The following MGA variants were observed in gnomAD, a reference collection of about 807,000 sequenced individuals.
MGA encodes the protein MAX dimerization protein MGA.
Under a neutral mutation model 261.1 loss-of-function variants are expected in MGA, and 40 were observed. The ratio of observed to expected loss-of-function variants is 0.15; its 90% CI spans 0.12 to 0.20. MGA has a LOEUF of 0.20. Ranked by LOEUF, MGA falls within the 10% of genes least tolerant of loss-of-function variation. The pLI, the probability that MGA is intolerant of heterozygous loss-of-function variation, is 1.00. For missense variants in MGA, 3,397 were observed against 3,630.5 expected (o/e 0.94, Z 1.65); for synonymous variants, 1,302 against 1,290.6 (o/e 1.01, Z -0.19).
At chr15:41,745,602 A>G (rs930268544) in intron 15 of MGA, among the ~76,000 whole-genome samples, 1 of 151,884 alleles carries the variant, frequency 6.6e-6, no homozygotes, top group Non-Finnish European at 1.5e-5. Flanking sequence ...AAAAAAATAT[A>G]TATCTATATA....
intron 1 of MGA, among the ~76,000 whole-genome samples, chr15:41,651,507 C>T (rs2057041833): frequency 1.3e-5 from 2 of 151,736 alleles, no homozygotes; most frequent in African/African-American, 4.8e-5. Flanking sequence ...AAAGAAAAGT[C>T]CCCTTTCTTT....
At chr15:41,727,140 G>T (rs756886093) in intron 9 of MGA, 40 bp from the exon 10 acceptor site, 33 of 1,523,324 alleles carry the variant, frequency 2.2e-5, no homozygotes, top group Non-Finnish European at 2.8e-5. Flanking sequence ...ATCTTTTGTT[G>T]CCAAAAGTAC....
At chr15:41,738,372 G>T (rs1285889436) in intron 13 of MGA, among the ~76,000 whole-genome samples, 1 of 152,200 alleles carries the variant, frequency 6.6e-6, no homozygotes, top group African/African-American at 2.4e-5. Flanking sequence ...TCCAGCCTGG[G>T]CGACAGAGTG....
intron 22 of MGA, among the ~76,000 whole-genome samples, chr15:41,762,756 A>G (rs1316937280): frequency 6.6e-6 from 1 of 152,036 alleles, no homozygotes; most frequent in Admixed American, 6.6e-5. Context: ...GGTGTGAGCA[A>G]CCACACCCAG....
intron 17 of MGA, chr15:41,752,002 AAAAAGATTACTGTTTT>A (rs2062861504): frequency 6.6e-6 from 1 of 152,234 alleles, no homozygotes; most frequent in African/African-American, 2.4e-5. Flanking sequence ...AAAATAAGAC[AAAAAGATTACTGTTTT>A]AAAAATCTAA....
intron 19 of MGA, among the ~76,000 whole-genome samples, chr15:41,759,270 AATAG>A (rs945873070): frequency 6.6e-6 from 1 of 152,160 alleles, no homozygotes; most frequent in African/African-American, 2.4e-5. Context: ...GCAAGAAGTC[AATAG>A]ATAGCATTGA....
Position 41,743,187 on chromosome 15 carries a change from T to C in MGA, c.5212+15T>C, listed in dbSNP as rs769781891. The C allele has an allele frequency of 1.3e-6, 2 of 1,586,692 alleles. No individual in the cohort carries two copies. The highest frequency in any genetic ancestry group is 1.7e-6 in the Non-Finnish European group (2 of 1,164,736). ...CCAGAGACCAGGTAAGGCCTAGATG[T>C]TACTAGCTGCTTTATTTTACTGTAC... On this transcript the variant is annotated intron_variant, in intron 15 of 23. Transcript: ENST00000219905.
intron 1 of MGA, among the ~76,000 whole-genome samples, chr15:41,643,930 C>T (rs897097791): frequency 2.0e-5 from 3 of 146,882 alleles, no homozygotes; most frequent in Non-Finnish European, 4.5e-5. Flanking sequence ...CATTTTTTTT[C>T]CATAAAAGTT....
intron 3 of MGA, among the ~76,000 whole-genome samples, chr15:41,697,317 A>G (rs1239401481): frequency 1.3e-5 from 2 of 152,014 alleles, no homozygotes; most frequent in East Asian, 3.9e-4. Context: ...AATTTTCATC[A>G]TTATGGATTT....
Position 41,698,920 on chromosome 15 carries a change from G to C in MGA, c.2071G>C (p.Ala691Pro). ...AACAGAAGAATCTTCTAGTCTCCAG[G>C]CATCAACCACAAATGACTCAGGTAT... The change falls in exon 4 of 24, where the codon GCA becomes CCA. Residue 691 changes from alanine (A) to proline (P), a missense_variant. Ala to Pro is a conservative substitution (Grantham distance 27). This residue lies in a region of MGA where 563 missense variants were observed against 563.6 expected (regional missense o/e 1.00). Coordinates refer to ENST00000219905, the MANE Select transcript of MGA (RefSeq NM_001164273.2). The C allele has an allele frequency of 3.2e-6, 5 of 1,550,586 alleles. No homozygotes were observed. Among genetic ancestry groups the C allele is most frequent in the Non-Finnish European group, 4.4e-6 (5 of 1,146,728 alleles).
upstream of MGA, among the ~76,000 whole-genome samples, chr15:41,657,022 C>T (rs1289010495): frequency 6.6e-6 from 1 of 152,094 alleles, no homozygotes; most frequent in African/African-American, 2.4e-5. Flanking sequence ...ATCCACCTGC[C>T]TTCTGCCTCT....
intron 13 of MGA, among the ~76,000 whole-genome samples, chr15:41,738,939 G>A (rs184845968): frequency 1.9e-4 from 29 of 152,248 alleles, no homozygotes; most frequent in African/African-American, 7.0e-4. Flanking sequence ...AGATGGAGTT[G>A]CTTGCTGTAG....
chr15:41,657,184 C>A (rs1276596116), upstream of MGA, among the ~76,000 whole-genome samples: 1 of 152,032 alleles, frequency 6.6e-6, no homozygotes, highest in Non-Finnish European at 1.5e-5. Context: ...TTCCTTAATT[C>A]CTTCATTACA....
intron 1 of MGA, among the ~76,000 whole-genome samples, chr15:41,667,657 G>A (rs1204991292): frequency 1.3e-5 from 2 of 152,096 alleles, no homozygotes; most frequent in Non-Finnish European, 2.9e-5. Flanking sequence ...TGGGATTATA[G>A]GTGTGAGTCA....
At chr15:41,687,038 T>A (rs1432758025) in intron 2 of MGA, among the ~76,000 whole-genome samples, 1 of 152,200 alleles carries the variant, frequency 6.6e-6, no homozygotes, top group East Asian at 1.9e-4. Context: ...GCTGTTTTTT[T>A]TTTCATTATG....
intron 15 of MGA, among the ~76,000 whole-genome samples, chr15:41,745,222 A>G (rs1203700377): frequency 7.1e-6 from 1 of 140,780 alleles, no homozygotes; most frequent in African/African-American, 2.6e-5. Context: ...CCTTCCCTCC[A>G]CTATTGTCCT....
intron 1 of MGA, among the ~76,000 whole-genome samples, chr15:41,663,765 C>T (rs2057560839): frequency 6.6e-6 from 1 of 152,140 alleles, no homozygotes; most frequent in South Asian, 2.1e-4. Context: ...GCCACCGCTC[C>T]CGGCCTAGCC....
At chr15:41,733,268 TTTC>T (rs1329652503) in intron 11 of MGA, among the ~76,000 whole-genome samples, 1 of 152,026 alleles carries the variant, frequency 6.6e-6, no homozygotes, top group Non-Finnish European at 1.5e-5. Flanking sequence ...GTTCCTCTAC[TTTC>T]TTAACTTGCT....
intron 9 of MGA, among the ~76,000 whole-genome samples, chr15:41,715,838 ATTAGT>A (rs2060605656): frequency 6.6e-6 from 1 of 150,616 alleles, no homozygotes; most frequent in Non-Finnish European, 1.5e-5. Flanking sequence ...GTGTAGATTT[ATTAGT>A]TTAGTTCTAC....
Sources: allele counts gnomAD v4.1 joint callset (sites outside exome capture counted in the v4.1 genomes callset), GRCh38; gene constraint gnomAD v4.1.1; regional missense constraint gnomAD v4.1.1; transcripts MANE v1.5; gene names NCBI Gene and HGNC (gene_info 2026-07-23, HGNC 2026-07-21).